The following NFE2L2 variants were observed in gnomAD, a reference collection of about 807,000 sequenced individuals.
NFE2L2 encodes NFE2 like bZIP transcription factor 2.
Under a neutral mutation model 49.6 loss-of-function variants are expected in NFE2L2, and 20 were observed. The observed-to-expected ratio is 0.40, with a 90% CI of 0.28 to 0.59. NFE2L2 has a LOEUF of 0.59. Ranked by LOEUF, NFE2L2 falls within the 20% of genes least tolerant of loss-of-function variation. The pLI is 0.40. For synonymous variants in NFE2L2, 244 were observed against 256.5 expected, an observed-to-expected ratio of 0.95 and a Z score of 0.47; for missense variants, 578 against 714.2, an observed-to-expected ratio of 0.81 and a Z score of 2.17.
intron 1 of NFE2L2, among the ~76,000 whole-genome samples, chr2:177,257,202 C>T (rs987769121): frequency 2.6e-5 from 4 of 152,170 alleles, no homozygotes; most frequent in African/African-American, 4.8e-5. Flanking sequence ...ACACAGCTTC[C>T]TAGAGTAAGA....
intron 1 of NFE2L2, among the ~76,000 whole-genome samples, chr2:177,249,440 A>G (rs545278263): frequency 3.8e-4 from 58 of 152,296 alleles, no homozygotes; most frequent in African/African-American, 1.3e-3. Flanking sequence ...TTGGAGCTGG[A>G]TTAGGTGACC....
chr2:177,234,416 G>T, intron 1 of NFE2L2, 145 bp from the exon 2 acceptor site: 1 of 970,142 alleles, frequency 1.0e-6, no homozygotes, highest in Non-Finnish European at 1.5e-6. Flanking sequence ...CAGATCCAAT[G>T]TTCTAGAAGA....
chr2:177,245,344 A>G (rs914686978), intron 1 of NFE2L2, among the ~76,000 whole-genome samples: 4 of 152,224 alleles, frequency 2.6e-5, no homozygotes, highest in Admixed American at 2.6e-4. Context: ...GTGCAGGGTC[A>G]GAGGTCAAAG....
At chr2:177,241,207 A>C (rs1390146526) in intron 1 of NFE2L2, among the ~76,000 whole-genome samples, 3 of 152,206 alleles carry the variant, frequency 2.0e-5, no homozygotes, top group Admixed American at 6.5e-5. Flanking sequence ...GGAATGTCTT[A>C]AGTTATTCCT....
chr2:177,238,686 G>A (rs911238585), intron 1 of NFE2L2, among the ~76,000 whole-genome samples: 2 of 152,132 alleles, frequency 1.3e-5, no homozygotes, highest in African/African-American at 4.8e-5. Context: ...AATAATGTTG[G>A]GACTACCTAG....
rs1240037341 is a variant in NFE2L2 at position 177,264,541 on chromosome 2, C to G, written c.36G>C (p.Pro12=). The change falls in exon 1 of 5, where the codon CCG becomes CCC. Residue 12 remains proline (P), a synonymous_variant. Coordinates refer to ENST00000397062, the MANE Select transcript of NFE2L2 (RefSeq NM_006164.5). ...MDLELPPPGL[P]SQQDMDLIDI... ...AGGGCCGAGGCAGCACCTGCTGGGA[C>G]GGGAGTCCCGGCGGCGGCAGCTCCA... 2 of 1,522,276 alleles carry G rather than the reference C, an allele frequency of 1.3e-6. No individual in the cohort carries two copies. Among genetic ancestry groups the G allele is most frequent in the African/African-American group, 1.4e-5 (1 of 69,732 alleles). The allele number at this position is 1,522,276 out of a possible 1,614,324, so 94.3% of individuals were successfully genotyped here.
At position 177,234,236 on chromosome 2, in the gene NFE2L2, A is replaced by G. The variant is rs1258630482; in HGVS notation, c.81T>C (p.Asp27=). Residue 27 remains aspartate, a synonymous_variant, in exon 2 of 5, where the codon GAT becomes GAC. Coordinates refer to ENST00000397062, the MANE Select transcript of NFE2L2 (RefSeq NM_006164.5). ...CTTCTCGACTTACTCCAAGATCTAT[A>G]TCTTGCCTCCAAAGTATGTCAATCA... ...MDLIDILWRQ[D]IDLGVSREVF... The G allele has an allele frequency of 1.2e-6, 2 of 1,612,926 alleles. No homozygotes were observed. The highest frequency in any genetic ancestry group is 1.7e-6 in the Non-Finnish European group (2 of 1,179,862).
chr2:177,254,086 A>G (rs1325770356), intron 1 of NFE2L2, among the ~76,000 whole-genome samples: 1 of 152,206 alleles, frequency 6.6e-6, no homozygotes, highest in Non-Finnish European at 1.5e-5. Flanking sequence ...GAGATATGAC[A>G]TATATGATTT....
At chr2:177,253,699 T>C (rs917207774) in intron 1 of NFE2L2, among the ~76,000 whole-genome samples, 1 of 152,226 alleles carries the variant, frequency 6.6e-6, no homozygotes, top group Non-Finnish European at 1.5e-5. Flanking sequence ...CTACTAGTCA[T>C]AGAAAAATTA....
chr2:177,255,191 G>A (rs570013314), intron 1 of NFE2L2, among the ~76,000 whole-genome samples: 32 of 152,166 alleles, frequency 2.1e-4, no homozygotes, highest in Non-Finnish European at 4.3e-4. Flanking sequence ...ATGTCTACCC[G>A]CATCTCTCTG....
rs762769383 is a variant in NFE2L2, at chr2:177,232,487, T to G, written c.499A>C (p.Thr167Pro). ...ACAGGGGCTACCTGAGCAACAGAAG[T>G]TTCAGGTGACTGAGCCTGATTAGTA... The part of the protein sequence containing the change: ...IATNQAQSPE[T>P]SVAQVAPVDL... The change falls in exon 4 of 5, where the codon ACT becomes CCT. Residue 167 changes from threonine to proline, a missense_variant. Physicochemically the swap from Thr to Pro is conservative, Grantham distance 38. This residue lies in a region of NFE2L2 where 368 missense variants were observed against 384.6 expected (regional missense o/e 0.96). Coordinates refer to ENST00000397062, the MANE Select transcript of NFE2L2 (RefSeq NM_006164.5). The G allele has an allele frequency of 6.2e-7, 1 of 1,614,126 alleles. No individual in the cohort carries two copies. The highest frequency in any genetic ancestry group is 1.1e-5 in the South Asian group (1 of 91,074).
At chr2:177,242,060 A>T (rs1462958994) in intron 1 of NFE2L2, among the ~76,000 whole-genome samples, 1 of 152,186 alleles carries the variant, frequency 6.6e-6, no homozygotes, top group African/African-American at 2.4e-5. Flanking sequence ...AGCAATACCA[A>T]TTGTTTTCTC....
intron 1 of NFE2L2, among the ~76,000 whole-genome samples, chr2:177,258,944 A>G (rs1018143711): frequency 6.6e-6 from 1 of 152,242 alleles, no homozygotes; most frequent in East Asian, 1.9e-4. Flanking sequence ...ATTAAAAACA[A>G]ATATTCAGAA....
chr2:177,236,069 G>A (rs1015162635), intron 1 of NFE2L2, among the ~76,000 whole-genome samples: 1 of 152,270 alleles, frequency 6.6e-6, no homozygotes, highest in African/African-American at 2.4e-5. Flanking sequence ...GGGACTTGAA[G>A]GCCAGTGGGT....
chr2:177,233,920 G>A (rs2105457663), intron 2 of NFE2L2, 85 bp downstream of exon 2: 3 of 1,533,158 alleles, frequency 2.0e-6, no homozygotes, highest in Non-Finnish European at 2.6e-6. Flanking sequence ...AGGCAAAGCT[G>A]GAACTCAAAT....
intron 1 of NFE2L2, among the ~76,000 whole-genome samples, chr2:177,254,046 G>A (rs1690431958): frequency 6.6e-6 from 1 of 152,156 alleles, no homozygotes; most frequent in African/African-American, 2.4e-5. Flanking sequence ...TTCAAAAAGT[G>A]CCCAGCAGAA....
chr2:177,246,987 T>A (rs1330773503), intron 1 of NFE2L2, among the ~76,000 whole-genome samples: 1 of 152,118 alleles, frequency 6.6e-6, no homozygotes, highest in Non-Finnish European at 1.5e-5. Context: ...ATTTAATCAG[T>A]CCCCCATCTG....
chr2:177,236,051 C>T (rs996326238), intron 1 of NFE2L2, among the ~76,000 whole-genome samples: 11 of 152,174 alleles, frequency 7.2e-5, no homozygotes, highest in Admixed American at 5.2e-4. Context: ...GATGGGGGAA[C>T]GGGAGTTGGG....
intron 1 of NFE2L2, among the ~76,000 whole-genome samples, chr2:177,261,633 TGC>T (rs982043347): frequency 6.6e-6 from 1 of 152,212 alleles, no homozygotes; most frequent in Admixed American, 6.5e-5. Context: ...CTAACTATTA[TGC>T]CTGGTTTTCC....
Sources: allele counts gnomAD v4.1 joint callset (sites outside exome capture counted in the v4.1 genomes callset), GRCh38; gene constraint gnomAD v4.1.1; regional missense constraint gnomAD v4.1.1; transcripts MANE v1.5; gene names NCBI Gene and HGNC (gene_info 2026-07-23, HGNC 2026-07-21).